The following MED15 variants were observed in gnomAD, a reference collection of about 807,000 sequenced individuals.
MED15 encodes the protein mediator complex subunit 15.
A neutral mutation model predicts 118.7 loss-of-function variants in MED15; 41 were observed. The ratio of observed to expected loss-of-function variants is 0.35; its 90% CI spans 0.27 to 0.45. The LOEUF (loss-of-function observed/expected upper bound fraction) is 0.45. Among genes scored for constraint, MED15 ranks in the 20% least tolerant of loss-of-function variants. The pLI is 1.00. For missense variants in MED15, 740 were observed against 1,025.5 expected (o/e 0.72, Z 3.80); for synonymous variants, 436 against 413.9 (o/e 1.05, Z -0.65).
intron 9 of MED15, among the ~76,000 whole-genome samples, chr22:20,576,987 A>G (rs938538438): frequency 2.0e-5 from 3 of 152,178 alleles, no homozygotes; most frequent in Admixed American, 2.0e-4. Flanking sequence ...TATAAACACA[A>G]AAAGTCCCCA....
At chr22:20,530,890 C>T (rs1021973637) in intron 1 of MED15, among the ~76,000 whole-genome samples, 1 of 152,204 alleles carries the variant, frequency 6.6e-6, no homozygotes, top group Admixed American at 6.5e-5. Flanking sequence ...CAACAATAAC[C>T]TCAACACATG....
intron 7 of MED15, among the ~76,000 whole-genome samples, chr22:20,567,520 T>C (rs890021043): frequency 2.6e-5 from 4 of 152,154 alleles, no homozygotes; most frequent in Admixed American, 1.3e-4. Context: ...AGAGGCCTCA[T>C]AGGCAGACTG....
At chr22:20,553,208 C>T (rs999174666) in intron 4 of MED15, 34 bp downstream of exon 4, 2 of 1,603,082 alleles carry the variant, frequency 1.2e-6, no homozygotes, top group Admixed American at 1.7e-5. Context: ...AAAGTTTCTC[C>T]CAACTTTGGA....
chr22:20,568,656 C>T, intron 8 of MED15, 25 bp downstream of exon 8: 1 of 1,607,460 alleles, frequency 6.2e-7, no homozygotes, highest in Non-Finnish European at 8.5e-7. Context: ...GTGGAGGGCT[C>T]CATAGTCATC....
intron 2 of MED15, among the ~76,000 whole-genome samples, chr22:20,537,549 T>C (rs917495825): frequency 2.0e-5 from 3 of 152,150 alleles, no homozygotes. Flanking sequence ...TGGTTTGTCC[T>C]CAGCCCCTCC....
intron 11 of MED15, 65 bp from the exon 12 acceptor site, chr22:20,583,048 C>A (rs1012449312): frequency 6.4e-7 from 1 of 1,563,388 alleles, no homozygotes; most frequent in African/African-American, 1.4e-5. Flanking sequence ...GCTCTGGGGC[C>A]CTCAGAGCTC....
intron 1 of MED15, among the ~76,000 whole-genome samples, chr22:20,513,709 T>A (rs370973143): frequency 1.3e-4 from 20 of 152,244 alleles, no homozygotes; most frequent in African/African-American, 4.8e-4. Context: ...AGTGGTGAGC[T>A]CCCTGCCACC....
In MED15 at chr22:20,584,327, A is replaced by G. The variant is rs746381912; in HGVS notation, c.1737-32A>G. The G allele has an allele frequency of 3.9e-5, 63 of 1,609,666 alleles. 1 individual carries two copies. In the South Asian group the frequency reaches 6.9e-4, roughly 18 times the overall value. On this transcript the variant is annotated intron_variant, in intron 13 of 17. Transcript: ENST00000263205. ...GAGCCTGAGAACTGCCATGTCTTCC[A>G]CTCTTTCAGCCCAAGTCCTCTCTCT...
intron 2 of MED15, among the ~76,000 whole-genome samples, chr22:20,543,821 G>A (rs974733946): frequency 7.2e-5 from 11 of 152,154 alleles, no homozygotes; most frequent in African/African-American, 2.4e-4. Flanking sequence ...GCCTCCCAAA[G>A]TGCTGGGATT....
At chr22:20,547,297 T>A (rs749265869) in intron 2 of MED15, among the ~76,000 whole-genome samples, 4 of 152,228 alleles carry the variant, frequency 2.6e-5, no homozygotes, top group Non-Finnish European at 4.4e-5. Context: ...AAAGATTTCT[T>A]TTCTCTATAT....
chr22:20,559,933 T>C (rs1163267524), intron 5 of MED15, among the ~76,000 whole-genome samples: 1 of 152,198 alleles, frequency 6.6e-6, no homozygotes, highest in Non-Finnish European at 1.5e-5. Context: ...GCATAGGTGA[T>C]AGTAAATGTG....
chr22:20,521,904 TTA>T (rs760900344), intron 1 of MED15, among the ~76,000 whole-genome samples: 2 of 151,922 alleles, frequency 1.3e-5, no homozygotes, highest in Non-Finnish European at 2.9e-5. Context: ...TTTTGTATTT[TTA>T]GTAGAGATGG....
intron 2 of MED15, among the ~76,000 whole-genome samples, chr22:20,541,523 G>A (rs998410772): frequency 1.5e-4 from 23 of 151,418 alleles, no homozygotes; most frequent in South Asian, 4.2e-4. Flanking sequence ...TCGCTCTGTC[G>A]CCCAGGCTAG....
intron 9 of MED15, among the ~76,000 whole-genome samples, chr22:20,580,388 C>T (rs1000291065): frequency 2.6e-5 from 4 of 152,120 alleles, no homozygotes; most frequent in African/African-American, 4.8e-5. Context: ...CTCAGAGAAG[C>T]GCTGAGCTTT....
chr22:20,564,443 TTCTCAGCCCAGCTGCAGC>T lies in MED15; in HGVS notation c.452-4_465del. 6.2e-7 allele frequency: 1 copy of T among 1,613,748 alleles called. No homozygotes were observed. The highest frequency in any genetic ancestry group is 1.7e-5 in the Admixed American group (1 of 60,006). On this transcript the variant is annotated splice_acceptor_variant and splice_polypyrimidine_tract_variant and coding_sequence_variant and intron_variant, in exon 6 of 18. Coordinates refer to ENST00000263205, the MANE Select transcript of MED15 (RefSeq NM_001003891.3). LOFTEE classifies it high-confidence loss of function. ...TGGACTGACTGGCGACTCTGGTCTTTTCTCAGCCCAGCTGCAGCTCCAGCAGGTGGCGCTGCAGCAGCA... is the reference window on the plus strand; with the variant it reads ...TGGACTGACTGGCGACTCTGGTCTTTTCCAGCAGGTGGCGCTGCAGCAGCA...
intron 17 of MED15, 114 bp from the exon 18 acceptor site, chr22:20,586,454 C>G: frequency 6.7e-7 from 1 of 1,488,842 alleles, no homozygotes; most frequent in Non-Finnish European, 9.1e-7. Flanking sequence ...GACACATCAC[C>G]TCCTGGTGCT....
chr22:20,516,406 T>A (rs765966167), intron 1 of MED15, among the ~76,000 whole-genome samples: 29 of 152,092 alleles, frequency 1.9e-4, no homozygotes, highest in Non-Finnish European at 3.7e-4. Flanking sequence ...CCCCTTTTAT[T>A]TGTTTTTGTT....
At chr22:20,512,962 G>A (rs1394385324) in intron 1 of MED15, among the ~76,000 whole-genome samples, 1 of 151,864 alleles carries the variant, frequency 6.6e-6, no homozygotes, top group East Asian at 1.9e-4. Flanking sequence ...GGCTGGTCTC[G>A]AACTCCTGAC....
intron 1 of MED15, among the ~76,000 whole-genome samples, chr22:20,527,452 C>CA (rs2054686466): frequency 6.8e-6 from 1 of 147,058 alleles, no homozygotes; most frequent in Non-Finnish European, 1.5e-5. Flanking sequence ...TAAATTCTAC[C>CA]GTTTTTTTTG....
Sources: gnomAD v4.1 joint callset for allele counts (sites outside exome capture counted in the v4.1 genomes callset) on GRCh38, gnomAD v4.1.1 for gene constraint, MANE v1.5 for transcripts, NCBI Gene and HGNC (gene_info 2026-07-23, HGNC 2026-07-21) for gene names.